Variants in ZGPAT observed in about 807,000 individuals in gnomAD.
The protein encoded by ZGPAT is zinc finger CCCH-type with G patch domain-containing protein.
A neutral mutation model predicts 47.9 loss-of-function variants in ZGPAT; 39 were observed. The ratio of observed to expected loss-of-function variants is 0.81; its 90% CI spans 0.63 to 1.06. The LOEUF (loss-of-function observed/expected upper bound fraction) is 1.06, where lower values mean the gene tolerates loss of function less well. Among genes scored for constraint, ZGPAT ranks in the 50% least tolerant of loss-of-function variants. ZGPAT has a pLI of 0.00. For missense variants in ZGPAT, 717 were observed against 681.4 expected (o/e 1.05, Z -0.58); for synonymous variants, 348 against 292.9 (o/e 1.19, Z -1.92).
chr20:63,735,407 GC>G lies in ZGPAT; in HGVS notation c.1241del (p.Ala414GlyfsTer22). ...GGCTCCTGGGGCCCTAGAAGCCGGG[GC>G]GGCCCCAGCGGGGAGGAGGAGCAAG... The part of the protein sequence containing the change: ...GQAPGALEAG[A>X]APAGRRSKDM... On this transcript the variant is annotated frameshift_variant, in exon 6 of 7. Coordinates refer to ENST00000355969, the MANE Select transcript of ZGPAT (RefSeq NM_181485.3). LOFTEE classifies it high-confidence loss of function. 1 of 1,565,554 alleles carries G rather than the reference GC, an allele frequency of 6.4e-7. No individual in the cohort carries two copies. The highest frequency in any genetic ancestry group is 8.6e-7 in the Non-Finnish European group (1 of 1,158,750).
intron 5 of ZGPAT, 130 bp from the exon 6 acceptor site, chr20:63,735,029 C>T (rs1349038877): frequency 1.1e-5 from 15 of 1,363,974 alleles, no homozygotes; most frequent in East Asian, 5.4e-5. Context: ...CAGGGTCCTA[C>T]GGCCACAGCA....
At chr20:63,725,205 T>C (rs554831273) in intron 2 of ZGPAT, among the ~76,000 whole-genome samples, 60 of 152,040 alleles carry the variant, frequency 3.9e-4, no homozygotes, top group African/African-American at 1.1e-3. Flanking sequence ...AGGATGGTCT[T>C]GATCTCCTGA....
chr20:63,734,636 C>T, intron 4 of ZGPAT, 69 bp from the exon 5 acceptor site: 9 of 1,592,788 alleles, frequency 5.7e-6, no homozygotes, highest in Non-Finnish European at 7.7e-6. Context: ...CTCTGTCCAT[C>T]TCTTGCAGTG....
chr20:63,713,098 G>T (rs906736032), intron 2 of ZGPAT, among the ~76,000 whole-genome samples: 1 of 150,890 alleles, frequency 6.6e-6, no homozygotes, highest in Admixed American at 6.6e-5. Flanking sequence ...TTGAGACAGA[G>T]TCTTGCTCTG....
At chr20:63,729,273 G>A (rs1186483189) in intron 2 of ZGPAT, among the ~76,000 whole-genome samples, 1 of 152,030 alleles carries the variant, frequency 6.6e-6, no homozygotes, top group Non-Finnish European at 1.5e-5. Flanking sequence ...CAAGTGATCC[G>A]CCTACCTCAG....
At chr20:63,720,948 T>C (rs2091781097) in intron 2 of ZGPAT, among the ~76,000 whole-genome samples, 1 of 152,222 alleles carries the variant, frequency 6.6e-6, no homozygotes, top group Non-Finnish European at 1.5e-5. Flanking sequence ...GTTACTTTCC[T>C]GACCTTTTTA....
chr20:63,736,066 G>A lies in ZGPAT; in HGVS notation c.*147G>A, dbSNP rs1040812528. The A allele has an allele frequency of 2.5e-6, 3 of 1,179,378 alleles. No homozygotes were observed. In the African/African-American group the frequency reaches 4.7e-5, roughly 18 times the overall value. The allele number at this position is 1,179,378 out of a possible 1,614,324, so 73.1% of individuals were successfully genotyped here. On this transcript the variant is annotated 3_prime_UTR_variant, in exon 7 of 7. Coordinates refer to ENST00000355969, the MANE Select transcript of ZGPAT (RefSeq NM_181485.3). Reference sequence around the variant, plus strand: ...AGACAGAGCTGCGGGGTCCCATCTGGACACTTACTTGCCCACCTGCCAGTG... The same window carrying A: ...AGACAGAGCTGCGGGGTCCCATCTGAACACTTACTTGCCCACCTGCCAGTG...
At chr20:63,726,291 C>T (rs1434014845) in intron 2 of ZGPAT, among the ~76,000 whole-genome samples, 16 of 150,098 alleles carry the variant, frequency 1.1e-4, no homozygotes, top group Admixed American at 6.6e-4. Context: ...CTCCACCTCT[C>T]AGGTTCAAGT....
chr20:63,725,117 TG>T (rs1431625336), intron 2 of ZGPAT, among the ~76,000 whole-genome samples: 1 of 152,000 alleles, frequency 6.6e-6, no homozygotes, highest in Non-Finnish European at 1.5e-5. Flanking sequence ...CCCGAGTAGC[TG>T]GGATTACAGG....
At chr20:63,721,485 G>C (rs922597192) in intron 2 of ZGPAT, among the ~76,000 whole-genome samples, 2 of 152,100 alleles carry the variant, frequency 1.3e-5, no homozygotes, top group African/African-American at 4.8e-5. Flanking sequence ...TGCTCCCATG[G>C]AGCCTAAGGA....
At chr20:63,730,021 C>CACACACAG (rs1555830237) in intron 2 of ZGPAT, 1 of 138,250 alleles carries the variant, frequency 7.2e-6, no homozygotes, top group African/African-American at 2.5e-5. Flanking sequence ...CTCTACTGCG[C>CACACACAG]ACACACACAC....
chr20:63,730,577 C>T lies in ZGPAT; in HGVS notation c.585-2642C>T, dbSNP rs1020248295. ...TCTGCTCACTGCAACCTCCGCCTCC[C>T]GGGTTCAAGCGATTCTTGTGCCTCA... On this transcript the variant is annotated intron_variant, in intron 2 of 6. Transcript: ENST00000355969. 4.6e-5 allele frequency among the ~76,000 whole-genome samples: 7 copies of T among 152,262 alleles called. No homozygotes were observed. In the East Asian group the frequency reaches 7.7e-4, roughly 17 times the overall value.
intron 2 of ZGPAT, among the ~76,000 whole-genome samples, chr20:63,720,561 C>T (rs906019647): frequency 1.3e-5 from 2 of 152,186 alleles, no homozygotes; most frequent in African/African-American, 2.4e-5. Context: ...AAGTGAGTCT[C>T]CCACCTTAGT....
chr20:63,731,972 CTT>C (rs1168868840), intron 2 of ZGPAT, among the ~76,000 whole-genome samples: 98 of 152,348 alleles, frequency 6.4e-4, no homozygotes, highest in Admixed American at 6.3e-3. Context: ...ATATAAGGGA[CTT>C]GAGCATCCTT....
intron 2 of ZGPAT, among the ~76,000 whole-genome samples, chr20:63,712,781 A>G (rs1277438357): frequency 6.6e-6 from 1 of 152,128 alleles, no homozygotes. Context: ...CTGTAATCCC[A>G]GCTACACGAG....
intron 2 of ZGPAT, among the ~76,000 whole-genome samples, chr20:63,732,099 G>A (rs1568798927): frequency 6.6e-6 from 1 of 152,114 alleles, no homozygotes; most frequent in Admixed American, 6.5e-5. Context: ...GCATGTATGT[G>A]TATATGCATA....
In ZGPAT at chr20:63,735,508, G is replaced by A. The variant is rs372242077; in HGVS notation, c.1341G>A (p.Glu447=). 1.6e-5 allele frequency: 25 copies of A among 1,531,034 alleles called. No homozygotes were observed. The highest frequency in any genetic ancestry group is 1.6e-5 in the Non-Finnish European group (18 of 1,144,192). The allele number at this position is 1,531,034 out of a possible 1,614,324, so 94.8% of individuals were successfully genotyped here. The change falls in exon 6 of 7, where the codon GAG becomes GAA. Residue 447 remains glutamate, a synonymous_variant. Coordinates refer to ENST00000355969, the MANE Select transcript of ZGPAT (RefSeq NM_181485.3). ...TCTTCCAGACTGAGGAGAAGATCGA[G>A]CGAACCCAGCGGGACATCAGGAGCA... ...LRLFQTEEKI[E]RTQRDIRSIQ...
chr20:63,709,913 T>G (rs1211770383), intron 2 of ZGPAT, among the ~76,000 whole-genome samples: 4 of 152,096 alleles, frequency 2.6e-5, no homozygotes, highest in Non-Finnish European at 5.9e-5. Context: ...CAGGCTGGAG[T>G]GCAGTGGCGT....
chr20:63,735,496 G>A lies in ZGPAT; in HGVS notation c.1329G>A (p.Glu443=). The change falls in exon 6 of 7, where the codon GAG becomes GAA. Residue 443 remains glutamate, a synonymous_variant. Coordinates refer to ENST00000355969, the MANE Select transcript of ZGPAT (RefSeq NM_181485.3). ...TGAGCCTGCGGCTCTTCCAGACTGA[G>A]GAGAAGATCGAGCGAACCCAGCGGG... is the stretch of plus-strand genomic sequence containing the variant. ...RALSLRLFQT[E]EKIERTQRDI... 6.5e-7 allele frequency: 1 copy of A among 1,537,412 alleles called. No homozygotes were observed. The highest frequency in any genetic ancestry group is 1.4e-5 in the African/African-American group (1 of 72,178).
Sources: gnomAD v4.1 joint callset for allele counts (sites outside exome capture counted in the v4.1 genomes callset) on GRCh38, gnomAD v4.1.1 for gene constraint, MANE v1.5 for transcripts, NCBI Gene and HGNC (gene_info 2026-07-23, HGNC 2026-07-21) for gene names.